Variants in PITPNM2 observed in about 807,000 individuals in gnomAD.
PITPNM2 encodes the protein phosphatidylinositol transfer protein membrane associated 2, also known as membrane-associated phosphatidylinositol transfer protein 2.
PITPNM2 carries 35 observed loss-of-function variants against 132.2 expected under a neutral mutation model. The ratio of observed to expected loss-of-function variants is 0.26; its 90% confidence interval spans 0.20 to 0.35. The LOEUF (loss-of-function observed/expected upper bound fraction) is 0.35. Ranked by LOEUF, PITPNM2 falls within the 10% of genes least tolerant of loss-of-function variation. The probability of loss-of-function intolerance (pLI) is 1.00; values close to 1 mark genes in which losing one functional copy is unlikely to be tolerated. For synonymous variants in PITPNM2, 738 were observed against 799.2 expected (o/e 0.92, Z 1.29); for missense variants, 1,332 against 1,912.0 (o/e 0.70, Z 5.66).
At chr12:123,017,936 C>A (rs1217614425) in intron 3 of PITPNM2, among the ~76,000 whole-genome samples, 1 of 151,674 alleles carries the variant, frequency 6.6e-6, no homozygotes, top group East Asian at 1.9e-4. Flanking sequence ...TCCTCCCTCC[C>A]TCCTTTCCTT....
At chr12:123,066,346 T>C (rs1431279647) in intron 2 of PITPNM2, among the ~76,000 whole-genome samples, 1 of 151,740 alleles carries the variant, frequency 6.6e-6, no homozygotes, top group Non-Finnish European at 1.5e-5. Context: ...GGGCAGAGGG[T>C]GAGGGGCCGT....
rs559522213 is a variant in PITPNM2, at chr12:123,021,536, A to G, written c.79-7494T>C. 3 of 601,100 alleles carry G rather than the reference A, an allele frequency of 5.0e-6. No homozygotes were observed. The Admixed American group carries it at 1.9e-4, about 38-fold the overall frequency. The allele number at this position is 601,100 out of a possible 1,614,324, so 37.2% of individuals were successfully genotyped here. A position where few individuals can be genotyped will look rare whatever the true frequency, so the allele number is the denominator to read the frequency against. On this transcript the variant is annotated intron_variant, in intron 3 of 25. Coordinates refer to ENST00000320201, the MANE Select transcript of PITPNM2 (RefSeq NM_020845.3). Reference sequence around the variant, plus strand: ...TTTTGTAGAGTGCCTTGGTCTCTCAAAATGCTGGGATTACAGGAGTAAGCC... The same window carrying G: ...TTTTGTAGAGTGCCTTGGTCTCTCAGAATGCTGGGATTACAGGAGTAAGCC...
At chr12:123,098,705 C>T (rs1330998648) in intron 2 of PITPNM2, among the ~76,000 whole-genome samples, 1 of 152,084 alleles carries the variant, frequency 6.6e-6, no homozygotes, top group Non-Finnish European at 1.5e-5. Flanking sequence ...TAGAAGCAAA[C>T]AAACAGATGC....
At position 122,988,223 on chromosome 12, in the gene PITPNM2, G is replaced by A; in HGVS notation, c.2997+11C>T. ...ACATCGTGGGGGCCTGGGCGCCCGGGGGACCCTCACCCGCAGCTTCACGTG... is the reference window on the plus strand; with the variant it reads ...ACATCGTGGGGGCCTGGGCGCCCGGAGGACCCTCACCCGCAGCTTCACGTG... On this transcript the variant is annotated intron_variant, in intron 20 of 25. Transcript: ENST00000320201. 1.2e-6 allele frequency: 2 copies of A among 1,610,720 alleles called. No individual in the cohort carries two copies. The highest frequency in any genetic ancestry group is 2.2e-5 in the East Asian group (1 of 44,864).
At chr12:123,115,890 A>C (rs2042928055) in intron 1 of PITPNM2, among the ~76,000 whole-genome samples, 1 of 152,168 alleles carries the variant, frequency 6.6e-6, no homozygotes. Context: ...CAAGGGAGGG[A>C]ACAGTTGGGT....
intron 1 of PITPNM2, among the ~76,000 whole-genome samples, chr12:123,133,222 C>T (rs145877829): frequency 6.6e-6 from 1 of 152,320 alleles, no homozygotes; most frequent in Admixed American, 6.5e-5. Context: ...CCAATACTTG[C>T]CAAACCTGAA....
intron 2 of PITPNM2, among the ~76,000 whole-genome samples, chr12:123,068,478 T>TAAAG (rs2041515396): frequency 6.7e-6 from 1 of 149,770 alleles, no homozygotes; most frequent in African/African-American, 2.5e-5. Flanking sequence ...AATAAATAAA[T>TAAAG]AAATAAATAA....
At chr12:123,003,161 C>T (rs2038770749) in intron 8 of PITPNM2, among the ~76,000 whole-genome samples, 1 of 152,204 alleles carries the variant, frequency 6.6e-6, no homozygotes, top group African/African-American at 2.4e-5. Context: ...AAAAGCACAG[C>T]TTCATAAGAA....
chr12:123,018,782 C>CTTTTTT (rs57520928), intron 3 of PITPNM2, among the ~76,000 whole-genome samples: 11 of 121,436 alleles, frequency 9.1e-5, no homozygotes, highest in African/African-American at 2.3e-4. Flanking sequence ...CTTTCCTTTC[C>CTTTTTT]TTTTTTTTTT....
rs564549503 is a variant in PITPNM2 at position 123,008,320 on chromosome 12, G to A, written c.643+1530C>T. Among the ~76,000 whole-genome samples, 1 of 152,282 alleles carries A rather than the reference G, an allele frequency of 6.6e-6. No homozygotes were observed. Among genetic ancestry groups the A allele is most frequent in the East Asian group, 1.9e-4 (1 of 5,176 alleles). On this transcript the variant is annotated intron_variant, in intron 6 of 25. Coordinates refer to ENST00000320201, the MANE Select transcript of PITPNM2 (RefSeq NM_020845.3). This position sits in a 1 kb window ranked among gnomAD's most constrained non-coding sequence, Gnocchi z 4.1. ...GAGCTGCAGCCTTAGTAGGTCTGCT[G>A]GGTGTCCTGTGCAGGGCTGAACCTA...
At chr12:123,132,079 C>T (rs2043276878) in intron 1 of PITPNM2, among the ~76,000 whole-genome samples, 1 of 152,276 alleles carries the variant, frequency 6.6e-6, no homozygotes, top group South Asian at 2.1e-4. Flanking sequence ...TGCCTCTCGA[C>T]AGAACTGTCT....
chr12:123,040,392 T>A (rs773816913), intron 2 of PITPNM2, among the ~76,000 whole-genome samples: 18 of 152,150 alleles, frequency 1.2e-4, no homozygotes, highest in Non-Finnish European at 2.2e-4. Flanking sequence ...GTTTATGTTA[T>A]ATATATACTT....
chr12:123,123,763 C>T (rs757573452), intron 1 of PITPNM2, among the ~76,000 whole-genome samples: 4 of 151,842 alleles, frequency 2.6e-5, no homozygotes, highest in Non-Finnish European at 5.9e-5. Context: ...GACAAAACCC[C>T]GGCTCTACTA....
At chr12:123,070,149 G>A (rs2041580896) in intron 2 of PITPNM2, among the ~76,000 whole-genome samples, 1 of 152,226 alleles carries the variant, frequency 6.6e-6, no homozygotes, top group Non-Finnish European at 1.5e-5. Flanking sequence ...AGGTCGCCAT[G>A]CCCTGGCCCC....
chr12:123,021,713 C>T, intron 3 of PITPNM2: 1 of 985,140 alleles, frequency 1.0e-6, no homozygotes, highest in Non-Finnish European at 1.2e-6. Context: ...GGGGCTCCCT[C>T]TCAGGGAGGT....
chr12:123,092,122 G>A (rs1308185344), intron 2 of PITPNM2: 6 of 152,224 alleles, frequency 3.9e-5, no homozygotes, highest in African/African-American at 1.4e-4. Context: ...ACTGGAGTGG[G>A]TACGACAGGC....
upstream of PITPNM2, among the ~76,000 whole-genome samples, chr12:123,151,779 C>T (rs1454122772): frequency 2.0e-5 from 3 of 152,220 alleles, no homozygotes; most frequent in African/African-American, 7.2e-5. Flanking sequence ...TAGGTTGAGC[C>T]AGGGTGGACT....
At chr12:123,028,423 C>T (rs1468253782) in intron 3 of PITPNM2, among the ~76,000 whole-genome samples, 1 of 152,180 alleles carries the variant, frequency 6.6e-6, no homozygotes, top group Admixed American at 6.5e-5. Flanking sequence ...CTAAGGTCTT[C>T]TTATTATTCT....
In PITPNM2 at chr12:123,097,400, C is replaced by A. The variant is rs1417799410; in HGVS notation, c.-96+12985G>T. Among the ~76,000 whole-genome samples the A allele has an allele frequency of 6.6e-6, 1 of 152,190 alleles. No homozygotes were observed. Among genetic ancestry groups the A allele is most frequent in the African/African-American group, 2.4e-5 (1 of 41,456 alleles). ...GCTAAGGGGGAAAGACTTTCAGCAGCCCACTTTTCTGCACAGTCCTCAAGA... is the reference window on the plus strand; with the variant it reads ...GCTAAGGGGGAAAGACTTTCAGCAGACCACTTTTCTGCACAGTCCTCAAGA... On this transcript the variant is annotated intron_variant, in intron 2 of 25. Coordinates refer to ENST00000320201, the MANE Select transcript of PITPNM2 (RefSeq NM_020845.3). The surrounding 1 kb of genome is among the most constrained non-coding windows in gnomAD (Gnocchi z 4.7).
Sources: allele counts gnomAD v4.1 joint callset (sites outside exome capture counted in the v4.1 genomes callset), GRCh38; gene constraint gnomAD v4.1.1; non-coding constraint Gnocchi (gnomAD v3.1); transcripts MANE v1.5; gene names NCBI Gene and HGNC (gene_info 2026-07-23, HGNC 2026-07-21).